ZNF142: variants seen among roughly 807,000 people sequenced by gnomAD.
The protein encoded by ZNF142 is zinc finger protein 142 (clone pHZ-49).
A neutral mutation model predicts 132.1 loss-of-function variants in ZNF142; 96 were observed. The ratio of observed to expected loss-of-function variants is 0.73; its 90% confidence interval spans 0.62 to 0.86. The LOEUF (loss-of-function observed/expected upper bound fraction) is 0.86. ZNF142 is among the 40% of genes least tolerant of loss of function. The probability of loss-of-function intolerance (pLI) is 0.00; values close to 1 mark genes in which losing one functional copy is unlikely to be tolerated. For synonymous variants in ZNF142, 842 were observed against 890.1 expected, an observed-to-expected ratio of 0.95 and a Z score of 0.96; for missense variants, 2,163 against 2,336.2, an observed-to-expected ratio of 0.93 and a Z score of 1.53.
intron 5 of ZNF142, among the ~76,000 whole-genome samples, chr2:218,650,987 CTT>C (rs5838705): frequency 0.082 from 11,292 of 137,516 alleles, 518 homozygotes; most frequent in Middle Eastern, 0.12. Context: ...TTCTTTACTT[CTT>C]TTTTTTTTTT....
Position 218,644,299 on chromosome 2 carries a change from T to C in ZNF142, c.2817A>G (p.Leu939=), listed in dbSNP as rs771568427. Residue 939 remains leucine, a synonymous_variant, in exon 9 of 11, where the codon CTA becomes CTG. Coordinates refer to ENST00000411696, the MANE Select transcript of ZNF142 (RefSeq NM_001379659.1). This position sits in a 1 kb window ranked among gnomAD's most constrained non-coding sequence, Gnocchi z 4.6. ...EGPDGLEGPE[L]SSFEGIGTSD... The stretch of plus-strand genomic sequence containing the variant: ...AAGTCCCAATACCTTCAAAGCTAGA[T>C]AGCTCTGGTCCTTCCAGTCCATCTG... 16 of 1,613,998 alleles carry C rather than the reference T, an allele frequency of 9.9e-6. No individual in the cohort carries two copies. Among genetic ancestry groups the C allele is most frequent in the African/African-American group, 1.3e-5 (1 of 74,904 alleles).
chr2:218,633,451 C>T lies in ZNF142; in HGVS notation c.*4888G>A, dbSNP rs1696505725. ...AGATTGTGGCCCAGGCTCCTATTTC[C>T]AAGCCTGAGTCCCTTCTCTTGTCCC... On this transcript the variant is annotated 3_prime_UTR_variant, in exon 11 of 11. Transcript: ENST00000411696. 1.1e-6 allele frequency: 1 copy of T among 912,204 alleles called. No homozygotes were observed. Among genetic ancestry groups the T allele is most frequent in the African/African-American group, 1.6e-5 (1 of 61,070 alleles). The allele number at this position is 912,204 out of a possible 1,614,324, so 56.5% of individuals were successfully genotyped here.
At position 218,644,232 on chromosome 2, in the gene ZNF142, C is replaced by A; in HGVS notation, c.2884G>T (p.Val962Leu). Residue 962 changes from valine to leucine, a missense_variant, in exon 9 of 11, where the codon GTG becomes TTG. Transcript: ENST00000411696. The surrounding 1 kb of genome is among the most constrained non-coding windows in gnomAD (Gnocchi z 4.6). ...GGAGGATTTGTGGAGGGCTCAGACA[C>A]TGGCTTTTCCAGAAGGGGATTTTCT... ...AEENPLLEKP[V>L]SEPSTNPPSL... The A allele has an allele frequency of 6.2e-7, 1 of 1,614,114 alleles. No homozygotes were observed. The highest frequency in any genetic ancestry group is 8.5e-7 in the Non-Finnish European group (1 of 1,179,990).
intron 10 of ZNF142, 42 bp downstream of exon 10, chr2:218,640,622 A>G (rs990575878): frequency 1.3e-6 from 2 of 1,584,406 alleles, no homozygotes; most frequent in Non-Finnish European, 1.7e-6. Flanking sequence ...TTGCCAGGGA[A>G]CAAAGGAACC....
intron 4 of ZNF142, among the ~76,000 whole-genome samples, chr2:218,653,019 G>A (rs1295797668): frequency 1.3e-5 from 2 of 151,808 alleles, no homozygotes; most frequent in Non-Finnish European, 2.9e-5. Context: ...AGTGGCTCAC[G>A]CCTGTAATCT....
rs1178837169 is a variant in ZNF142, at chr2:218,648,774, G to C, written c.1734C>G (p.Pro578=). 2 of 1,614,110 alleles carry C rather than the reference G, an allele frequency of 1.2e-6. No individual in the cohort carries two copies. Among genetic ancestry groups the C allele is most frequent in the Non-Finnish European group, 8.5e-7 (1 of 1,180,032 alleles). ...GSEELRCTFC[P]FATFNPVAYQ... is the part of the protein sequence containing the mutation. ...AAGCCACTGGGTTGAAGGTGGCAAA[G>C]GGGCAGAAGGTGCAGCGCAGCTCTT... Residue 578 remains proline, a synonymous_variant, in exon 7 of 11, where the codon CCC becomes CCG. Coordinates refer to ENST00000411696, the MANE Select transcript of ZNF142 (RefSeq NM_001379659.1).
chr2:218,642,983 A>G lies in ZNF142; in HGVS notation c.4133T>C (p.Phe1378Ser), dbSNP rs1258476313. 2.5e-6 allele frequency: 4 copies of G among 1,612,930 alleles called. No homozygotes were observed. The highest frequency in any genetic ancestry group is 3.4e-6 in the Non-Finnish European group (4 of 1,179,574). The change falls in exon 9 of 11, where the codon TTC becomes TCC. Residue 1378 changes from phenylalanine to serine, a missense_variant. Physicochemically the swap from Phe to Ser is radical, Grantham distance 155. Around this residue, in one of 7 missense-constraint regions of ZNF142, gnomAD observed 809 missense variants for 801.7 expected, o/e 1.01. Transcript: ENST00000411696. The surrounding 1 kb of genome is among the most constrained non-coding windows in gnomAD (Gnocchi z 4.6). ...RPHLQCGDCG[F>S]TCKQSRCMQQ... ...CATGCAACGGCTCTGTTTACAGGTG[A>G]AGCCACAGTCCCCACACTGTAGATG...
rs780339522 is a variant in ZNF142 at position 218,638,763 on chromosome 2, C to T, written c.5240G>A (p.Arg1747Gln). ...QCPECEYCTN[R>Q]ADALRVHQET... The stretch of plus-strand genomic sequence containing the variant: ...CTGGTGCACACGCAGTGCATCAGCC[C>T]GGTTGGTGCAGTACTCACACTCGGG... The change falls in exon 11 of 11, where the codon CGG becomes CAG. Residue 1747 changes from arginine (R) to glutamine (Q), a missense_variant. This residue lies in a region of ZNF142 where 325 missense variants were observed against 367.8 expected (regional missense o/e 0.88). Coordinates refer to ENST00000411696, the MANE Select transcript of ZNF142 (RefSeq NM_001379659.1). 22 of 1,609,452 alleles carry T rather than the reference C, an allele frequency of 1.4e-5. No homozygotes were observed. Among genetic ancestry groups the T allele is most frequent in the East Asian group, 4.5e-5 (2 of 44,884 alleles).
intron 10 of ZNF142, among the ~76,000 whole-genome samples, chr2:218,639,432 T>C (rs1559284659): frequency 2.0e-5 from 3 of 152,172 alleles, no homozygotes; most frequent in Admixed American, 6.5e-5. Context: ...TACTCAAATA[T>C]GGAAGGGTTT....
intron 7 of ZNF142, among the ~76,000 whole-genome samples, chr2:218,646,678 G>A (rs577308930): frequency 8.5e-5 from 13 of 152,222 alleles, no homozygotes; most frequent in African/African-American, 2.4e-4. Flanking sequence ...TCGGCTGCCC[G>A]GGTTCAAGCA....
rs1408698267 is a variant in ZNF142 at position 218,644,870 on chromosome 2, C to A, written c.2246G>T (p.Cys749Phe). 3.1e-6 allele frequency: 5 copies of A among 1,614,054 alleles called. No individual in the cohort carries two copies. Among genetic ancestry groups the A allele is most frequent in the Non-Finnish European group, 3.4e-6 (4 of 1,179,954 alleles). ...CTGCTTGTGGCGGCTCTGGTAACTG[C>A]AGTAGTGGCAAGGGTAGAGTGGGGC... ...TPAPLYPCHY[C>F]SYQSRHKQAV... Residue 749 changes from cysteine to phenylalanine, a missense_variant, in exon 9 of 11, where the codon TGC becomes TTC. Transcript: ENST00000411696. This position sits in a 1 kb window ranked among gnomAD's most constrained non-coding sequence, Gnocchi z 4.6.
intron 6 of ZNF142, among the ~76,000 whole-genome samples, 153 bp from the exon 7 acceptor site, chr2:218,649,612 G>A (rs796373157): frequency 3.9e-5 from 6 of 152,318 alleles, no homozygotes; most frequent in African/African-American, 1.4e-4. Context: ...TCTCAAAAAA[G>A]GGTGAGAAAC....
In ZNF142 at chr2:218,634,502, G is replaced by A. The variant is rs1447981679; in HGVS notation, c.*3837C>T. 6.2e-7 allele frequency: 1 copy of A among 1,614,086 alleles called. No individual in the cohort carries two copies. The highest frequency in any genetic ancestry group is 8.5e-7 in the Non-Finnish European group (1 of 1,179,904). On this transcript the variant is annotated 3_prime_UTR_variant, in exon 11 of 11. Transcript: ENST00000411696. This position sits in a 1 kb window ranked among gnomAD's most constrained non-coding sequence, Gnocchi z 4.0. ...TGCAGGGCTTGAAATGGACATCTGT[G>A]ATGGGCATTTCCGCCAGAATGGCGG...
In ZNF142 at chr2:218,635,258, C is replaced by A. The variant is rs1022135801; in HGVS notation, c.*3081G>T. 6.6e-6 allele frequency among the ~76,000 whole-genome samples: 1 copy of A among 151,558 alleles called. No homozygotes were observed. Among genetic ancestry groups the A allele is most frequent in the Non-Finnish European group, 1.5e-5 (1 of 67,916 alleles). ...ATTCCAGCTTGGTCAAGAGTATGATCGTGTCTCTTTGAAAAAAAAAAAGTG... is the reference window on the plus strand; with the variant it reads ...ATTCCAGCTTGGTCAAGAGTATGATAGTGTCTCTTTGAAAAAAAAAAAGTG... On this transcript the variant is annotated 3_prime_UTR_variant, in exon 11 of 11. Transcript: ENST00000411696.
In ZNF142 at chr2:218,635,999, C is replaced by G. The variant is rs1467878658; in HGVS notation, c.*2340G>C. 7 of 1,606,188 alleles carry G rather than the reference C, an allele frequency of 4.4e-6. No individual in the cohort carries two copies. Among genetic ancestry groups the G allele is most frequent in the Non-Finnish European group, 6.0e-6 (7 of 1,174,726 alleles). On this transcript the variant is annotated 3_prime_UTR_variant, in exon 11 of 11. Coordinates refer to ENST00000411696, the MANE Select transcript of ZNF142 (RefSeq NM_001379659.1). ...ATTAGTTTTCCTTCTAGTCTGTCTT[C>G]CATTAAGTATAGCATCTGTTATTGC...
At position 218,633,776 on chromosome 2, in the gene ZNF142, G is replaced by T; in HGVS notation, c.*4563C>A. The T allele has an allele frequency of 6.2e-7, 1 of 1,613,082 alleles. No homozygotes were observed. On this transcript the variant is annotated 3_prime_UTR_variant, in exon 11 of 11. Transcript: ENST00000411696. ...CAAGGAGGCTGGTCAGGACCAAAAT[G>T]GAGGGATGGGGAGGGAAGTGGGATG... is the stretch of plus-strand genomic sequence containing the variant.
At position 218,638,235 on chromosome 2, in the gene ZNF142, A is replaced by C. The variant is rs1019797628; in HGVS notation, c.*104T>G. The C allele has an allele frequency of 8.3e-7, 1 of 1,211,212 alleles. No individual in the cohort carries two copies. Among genetic ancestry groups the C allele is most frequent in the Non-Finnish European group, 1.1e-6 (1 of 919,896 alleles). The allele number at this position is 1,211,212 out of a possible 1,614,324, so 75.0% of individuals were successfully genotyped here. On this transcript the variant is annotated 3_prime_UTR_variant, in exon 11 of 11. Transcript: ENST00000411696. The stretch of plus-strand genomic sequence containing the variant: ...AGGTTCTAGTCACCCTTGTACCCCA[A>C]AAGCCAGTCTTTCCTTAGGCTCTGA...
rs777988093 is a variant in ZNF142 at position 218,644,705 on chromosome 2, G to A, written c.2411C>T (p.Ala804Val). The A allele has an allele frequency of 1.2e-6, 2 of 1,614,228 alleles. No homozygotes were observed. The highest frequency in any genetic ancestry group is 2.7e-5 in the African/African-American group (2 of 75,062). ...KAHGYVPGDQ[A>V]WQLRYASQEP... ...CTGGCTTGCATAGCGGAGCTGCCAG[G>A]CCTGGTCTCCAGGTACATAGCCATG... Residue 804 changes from alanine (A) to valine (V), a missense_variant, in exon 9 of 11, where the codon GCC becomes GTC. This residue lies in a region of ZNF142 where 749 missense variants were observed against 830.3 expected (regional missense o/e 0.90). Coordinates refer to ENST00000411696, the MANE Select transcript of ZNF142 (RefSeq NM_001379659.1). This position sits in a 1 kb window ranked among gnomAD's most constrained non-coding sequence, Gnocchi z 4.6.
Position 218,644,035 on chromosome 2 carries a change from T to C in ZNF142, c.3081A>G (p.Val1027=). The C allele has an allele frequency of 6.2e-7, 1 of 1,614,072 alleles. No homozygotes were observed. The highest frequency in any genetic ancestry group is 8.5e-7 in the Non-Finnish European group (1 of 1,179,990). The change falls in exon 9 of 11, where the codon GTA becomes GTG. Residue 1027 remains valine (V), a synonymous_variant. Coordinates refer to ENST00000411696, the MANE Select transcript of ZNF142 (RefSeq NM_001379659.1). This position sits in a 1 kb window ranked among gnomAD's most constrained non-coding sequence, Gnocchi z 4.6. The part of the protein sequence containing the change: ...ALVLEGRVQM[V]VIQGEGRAFR... ...AGGCTCGCCCCTCTCCCTGGATCACTACCATCTGCACCCGCCCCTCTAGCA... is the reference window on the plus strand; with the variant it reads ...AGGCTCGCCCCTCTCCCTGGATCACCACCATCTGCACCCGCCCCTCTAGCA...
Sources: gnomAD v4.1 joint callset for allele counts (sites outside exome capture counted in the v4.1 genomes callset) on GRCh38, gnomAD v4.1.1 for gene constraint, gnomAD v4.1.1 regional missense constraint, Gnocchi (gnomAD v3.1) non-coding constraint, MANE v1.5 for transcripts, NCBI Gene and HGNC (gene_info 2026-07-23, HGNC 2026-07-21) for gene names.